The following ZMAT4 variants were observed in gnomAD, a reference collection of about 807,000 sequenced individuals.
ZMAT4 encodes the protein zinc finger matrin-type protein 4.
In ZMAT4, 17 loss-of-function variants were observed where a neutral mutation model predicts 28.7. The observed-to-expected ratio is 0.59, with a 90% CI of 0.41 to 0.89. The LOEUF is 0.89. Ranked by LOEUF, ZMAT4 falls within the 40% of genes least tolerant of loss-of-function variation. The pLI is 0.00. For synonymous variants in ZMAT4, 117 were observed against 109.2 expected (o/e 1.07, Z -0.44); for missense variants, 240 against 283.8 (o/e 0.85, Z 1.11).
At chr8:40,811,273 G>T (rs991360087) in intron 2 of ZMAT4, among the ~76,000 whole-genome samples, 7 of 152,290 alleles carry the variant, frequency 4.6e-5, no homozygotes, top group Non-Finnish European at 1.0e-4. Flanking sequence ...GCCTGGTCTT[G>T]GGTGGTTGTA....
chr8:40,765,442 C>T (rs964664505), intron 3 of ZMAT4, among the ~76,000 whole-genome samples: 11 of 152,150 alleles, frequency 7.2e-5, no homozygotes, highest in East Asian at 1.9e-4. Flanking sequence ...AAAAGTAAGA[C>T]GATTTTATTG....
At chr8:40,796,887 T>C (rs1245706606) in intron 2 of ZMAT4, among the ~76,000 whole-genome samples, 3 of 152,154 alleles carry the variant, frequency 2.0e-5, no homozygotes, top group Non-Finnish European at 4.4e-5. Context: ...CTCATCTCCT[T>C]CCCAGGGCAG....
At chr8:40,849,761 G>C (rs1228171002) in intron 1 of ZMAT4, among the ~76,000 whole-genome samples, 2 of 152,176 alleles carry the variant, frequency 1.3e-5, no homozygotes, top group Non-Finnish European at 2.9e-5. Context: ...TCCGTGTCTA[G>C]ATCAGTGGTT....
At chr8:40,642,110 G>C (rs142317910) in intron 5 of ZMAT4, among the ~76,000 whole-genome samples, 1 of 152,066 alleles carries the variant, frequency 6.6e-6, no homozygotes, top group African/African-American at 2.4e-5. Flanking sequence ...AATTAAATTT[G>C]AATTTTGGAT....
intron 1 of ZMAT4, among the ~76,000 whole-genome samples, chr8:40,894,336 T>A (rs894244517): frequency 6.6e-6 from 1 of 152,196 alleles, no homozygotes; most frequent in Admixed American, 6.5e-5. Flanking sequence ...CCTATCACAT[T>A]CCACAATTCC....
At chr8:40,880,885 G>A (rs1326175314) in intron 1 of ZMAT4, among the ~76,000 whole-genome samples, 2 of 151,958 alleles carry the variant, frequency 1.3e-5, no homozygotes, top group East Asian at 1.9e-4. Context: ...CACACTCTAC[G>A]CTTGTGCCGA....
chr8:40,538,798 T>A (rs1000311996), intron 6 of ZMAT4, among the ~76,000 whole-genome samples: 4 of 152,168 alleles, frequency 2.6e-5, no homozygotes, highest in African/African-American at 9.7e-5. Flanking sequence ...TTTTTTGTTT[T>A]TTGAGACAGA....
chr8:40,735,880 G>A (rs1811741799), intron 3 of ZMAT4, among the ~76,000 whole-genome samples: 1 of 152,136 alleles, frequency 6.6e-6, no homozygotes, highest in Admixed American at 6.5e-5. Context: ...GAAAGAAAGA[G>A]GCACGGGGAG....
intron 2 of ZMAT4, among the ~76,000 whole-genome samples, chr8:40,820,681 G>C (rs1308310574): frequency 6.5e-5 from 1 of 15,374 alleles, no homozygotes; most frequent in East Asian, 1.9e-3. Flanking sequence ...GTGTCTATGT[G>C]TGTGTGTCTA....
rs546755145 is a variant in ZMAT4 at position 40,727,362 on chromosome 8, TCA to T, written c.193-29963_193-29962del. ...ATTCCTGGAACTTCCACTCCCCACC[TCA>T]GTTGGCTTCTGCATTTCAGTAGCCA... On this transcript the variant is annotated intron_variant, in intron 3 of 6. Coordinates refer to ENST00000297737, the MANE Select transcript of ZMAT4 (RefSeq NM_024645.3). 1.1e-4 allele frequency among the ~76,000 whole-genome samples: 17 copies of T among 152,256 alleles called. No individual in the cohort carries two copies. In the South Asian group the frequency reaches 3.3e-3, roughly 30 times the overall value.
At chr8:40,754,530 G>A (rs949337029) in intron 3 of ZMAT4, among the ~76,000 whole-genome samples, 21 of 152,068 alleles carry the variant, frequency 1.4e-4, no homozygotes, top group African/African-American at 4.8e-4. Flanking sequence ...CACCAATGAC[G>A]AGTTCTACTA....
intron 5 of ZMAT4, among the ~76,000 whole-genome samples, chr8:40,638,954 T>C (rs1455241108): frequency 6.6e-6 from 1 of 152,268 alleles, no homozygotes; most frequent in African/African-American, 2.4e-5. Flanking sequence ...TAAATGATGA[T>C]ACCATTATGG....
chr8:40,601,494 A>AAAGAAAGC (rs1220602089), intron 5 of ZMAT4, among the ~76,000 whole-genome samples: 2 of 82,118 alleles, frequency 2.4e-5, no homozygotes, highest in Admixed American at 1.2e-4. Context: ...AGAAAGAAAG[A>AAAGAAAGC]GAGAAAGAAA....
intron 2 of ZMAT4, among the ~76,000 whole-genome samples, chr8:40,781,468 A>T (rs1380179510): frequency 6.6e-6 from 1 of 152,154 alleles, no homozygotes; most frequent in Non-Finnish European, 1.5e-5. Flanking sequence ...TAGAATTAAG[A>T]ATCCATAAAT....
intron 5 of ZMAT4, among the ~76,000 whole-genome samples, chr8:40,602,107 A>C (rs1446987821): frequency 6.6e-6 from 1 of 152,188 alleles, no homozygotes; most frequent in Non-Finnish European, 1.5e-5. Flanking sequence ...GAGTGAGAAC[A>C]TATGATGCTT....
At chr8:40,665,724 A>C (rs911045505) in intron 5 of ZMAT4, among the ~76,000 whole-genome samples, 2 of 152,096 alleles carry the variant, frequency 1.3e-5, no homozygotes, top group Non-Finnish European at 2.9e-5. Flanking sequence ...AGAGTTAATT[A>C]CTCAGGATTC....
chr8:40,769,271 G>T (rs1371623630), intron 2 of ZMAT4, among the ~76,000 whole-genome samples: 3 of 152,032 alleles, frequency 2.0e-5, no homozygotes, highest in East Asian at 1.9e-4. Context: ...TTGTTTGTTT[G>T]TTTGTTTATT....
intron 3 of ZMAT4, among the ~76,000 whole-genome samples, chr8:40,728,029 T>C (rs943317373): frequency 1.3e-5 from 2 of 151,814 alleles, no homozygotes; most frequent in Non-Finnish European, 2.9e-5. Flanking sequence ...GATAGAAAAA[T>C]ATTAAAGACA....
intron 5 of ZMAT4, among the ~76,000 whole-genome samples, chr8:40,668,419 A>C (rs1445420473): frequency 2.0e-5 from 3 of 149,150 alleles, no homozygotes; most frequent in Non-Finnish European, 3.0e-5. Context: ...GCAGTGAGCC[A>C]AGATAGCGCC....
Sources: gnomAD v4.1 joint callset for allele counts (sites outside exome capture counted in the v4.1 genomes callset) on GRCh38, gnomAD v4.1.1 for gene constraint, MANE v1.5 for transcripts, NCBI Gene and HGNC (gene_info 2026-07-23, HGNC 2026-07-21) for gene names.